PPP2R5A: variants seen among roughly 807,000 people sequenced by gnomAD.
PPP2R5A encodes serine/threonine-protein phosphatase 2A 56 kDa regulatory subunit alpha isoform.
Under a neutral mutation model 64.2 loss-of-function variants are expected in PPP2R5A, and 25 were observed. The ratio of observed to expected loss-of-function variants is 0.39; its 90% CI spans 0.28 to 0.54. The LOEUF is 0.54. Among genes scored for constraint, PPP2R5A ranks in the 20% least tolerant of loss-of-function variants. PPP2R5A has a pLI of 0.67. For missense variants in PPP2R5A, 425 were observed against 576.3 expected, an observed-to-expected ratio of 0.74 and a Z score of 2.69; for synonymous variants, 198 against 201.2, an observed-to-expected ratio of 0.98 and a Z score of 0.13.
chr1:212,331,865 G>GTAT (rs1302763962), intron 2 of PPP2R5A, among the ~76,000 whole-genome samples: 1 of 152,056 alleles, frequency 6.6e-6, no homozygotes, highest in Non-Finnish European at 1.5e-5. Flanking sequence ...CACATAGTAG[G>GTAT]TATATATTGT....
At chr1:212,309,159 A>G in intron 1 of PPP2R5A, 2 of 1,264,344 alleles carry the variant, frequency 1.6e-6, no homozygotes, top group Non-Finnish European at 2.3e-6. Context: ...CCTTGGCCAC[A>G]TTGGTGTCAT....
At chr1:212,341,930 G>A (rs557595460) in intron 3 of PPP2R5A, among the ~76,000 whole-genome samples, 2 of 152,118 alleles carry the variant, frequency 1.3e-5, no homozygotes, top group African/African-American at 2.4e-5. Context: ...TATAGACAGC[G>A]GTCTCACCAT....
intron 1 of PPP2R5A, among the ~76,000 whole-genome samples, chr1:212,288,360 A>T (rs915512326): frequency 6.6e-6 from 1 of 152,232 alleles, no homozygotes; most frequent in Non-Finnish European, 1.5e-5. Context: ...TAGAGTCAGT[A>T]ATCATCTAAG....
chr1:212,305,827 A>G (rs1658889398), intron 1 of PPP2R5A, among the ~76,000 whole-genome samples: 1 of 152,170 alleles, frequency 6.6e-6, no homozygotes, highest in African/African-American at 2.4e-5. Flanking sequence ...GATAAAGAGT[A>G]TCTTTATATA....
At chr1:212,299,726 G>A (rs1658765544) in intron 1 of PPP2R5A, 1 of 152,016 alleles carries the variant, frequency 6.6e-6, no homozygotes, top group Non-Finnish European at 1.5e-5. Context: ...ACCTAATTTT[G>A]AATCCAGAGT....
chr1:212,320,119 T>C (rs904063832), intron 1 of PPP2R5A, among the ~76,000 whole-genome samples: 4 of 151,694 alleles, frequency 2.6e-5, no homozygotes, highest in African/African-American at 9.7e-5. Flanking sequence ...TGTCCCTGGG[T>C]ACTTGAGATT....
intron 8 of PPP2R5A, among the ~76,000 whole-genome samples, chr1:212,355,453 C>G (rs1193231579): frequency 2.0e-5 from 3 of 152,140 alleles, no homozygotes; most frequent in African/African-American, 7.2e-5. Flanking sequence ...CTGGACCAGA[C>G]AGACTATAAA....
chr1:212,327,765 G>C (rs185972138), intron 1 of PPP2R5A, among the ~76,000 whole-genome samples: 3 of 152,168 alleles, frequency 2.0e-5, no homozygotes, highest in Admixed American at 2.0e-4. Context: ...ACTAGAAAGA[G>C]AAAGAGAAGT....
intron 8 of PPP2R5A, among the ~76,000 whole-genome samples, chr1:212,352,046 GACTC>G (rs1331388312): frequency 6.7e-6 from 1 of 150,332 alleles, no homozygotes; most frequent in African/African-American, 2.4e-5. Flanking sequence ...TTGAGACAGA[GACTC>G]ACTCTGTTGC....
At chr1:212,319,854 C>G (rs1232631278) in intron 1 of PPP2R5A, among the ~76,000 whole-genome samples, 1 of 151,522 alleles carries the variant, frequency 6.6e-6, no homozygotes, top group Non-Finnish European at 1.5e-5. Flanking sequence ...AATTCCTGAC[C>G]TCAGGTGATC....
chr1:212,308,673 T>A (rs888630767), intron 1 of PPP2R5A, among the ~76,000 whole-genome samples: 1 of 152,166 alleles, frequency 6.6e-6, no homozygotes, highest in East Asian at 1.9e-4. Flanking sequence ...CCTCCCAAAG[T>A]GCTGGGATTA....
At chr1:212,323,144 C>T (rs3099111) in intron 1 of PPP2R5A, among the ~76,000 whole-genome samples, 126,705 of 152,230 alleles carry the variant, frequency 0.83, 53,146 homozygotes, top group African/African-American at 0.94. Flanking sequence ...CTTGAATTAC[C>T]TTTGATTCCA....
intron 3 of PPP2R5A, among the ~76,000 whole-genome samples, chr1:212,340,984 T>A (rs1659675984): frequency 6.6e-6 from 1 of 152,248 alleles, no homozygotes; most frequent in Non-Finnish European, 1.5e-5. Flanking sequence ...CTGTTTTTGC[T>A]TTGGGATAGA....
chr1:212,320,088 TGCGGCCTTCCGC>T (rs1383323983), intron 1 of PPP2R5A, among the ~76,000 whole-genome samples: 6 of 151,670 alleles, frequency 4.0e-5, no homozygotes, highest in African/African-American at 1.5e-4. Context: ...CAGAGGACCC[TGCGGCCTTCCGC>T]AGTGTTTGTG....
At chr1:212,290,951 A>G (rs1658591317) in intron 1 of PPP2R5A, among the ~76,000 whole-genome samples, 1 of 152,248 alleles carries the variant, frequency 6.6e-6, no homozygotes, top group East Asian at 1.9e-4. Context: ...TGGATTTCAA[A>G]GACAGGTTTA....
intron 2 of PPP2R5A, among the ~76,000 whole-genome samples, chr1:212,330,547 C>CA (rs5780687): frequency 0.53 from 78,075 of 146,184 alleles, 22,294 homozygotes; most frequent in African/African-American, 0.77. Flanking sequence ...CACCTTGTCT[C>CA]AAAAAAAAAA....
rs1365102269 is a variant in PPP2R5A at position 212,322,988 on chromosome 1, G to A, written c.182-6147G>A. Among the ~76,000 whole-genome samples, 7 of 152,024 alleles carry A rather than the reference G, an allele frequency of 4.6e-5. No individual in the cohort carries two copies. The South Asian group carries it at 6.2e-4, about 13-fold the overall frequency. ...TTTTTAGTAGAGACGGTGTTTCACC[G>A]TGTTAGCCAGGATGGTCTCGATCTC... On this transcript the variant is annotated intron_variant, in intron 1 of 12. Transcript: ENST00000261461.
intron 3 of PPP2R5A, among the ~76,000 whole-genome samples, chr1:212,338,683 A>C (rs547960970): frequency 6.6e-6 from 1 of 152,148 alleles, no homozygotes; most frequent in Non-Finnish European, 1.5e-5. Context: ...GCTACTCAGG[A>C]GGCTGAGGCA....
rs1658808081 is a variant in PPP2R5A at position 212,302,102 on chromosome 1, T to G, written c.181+15811T>G. 3 of 1,508,698 alleles carry G rather than the reference T, an allele frequency of 2.0e-6. No homozygotes were observed. The African/African-American group carries it at 4.1e-5, about 21-fold the overall frequency. The allele number at this position is 1,508,698 out of a possible 1,614,324, so 93.5% of individuals were successfully genotyped here. Reference sequence around the variant, plus strand: ...GGCTTTATGATAATGAGTATGTATATTAAGATTTCAGTGTTCTACTTGGTA... The same window carrying G: ...GGCTTTATGATAATGAGTATGTATAGTAAGATTTCAGTGTTCTACTTGGTA... On this transcript the variant is annotated intron_variant, in intron 1 of 12. Transcript: ENST00000261461.
Sources: gnomAD v4.1 joint callset for allele counts (sites outside exome capture counted in the v4.1 genomes callset) on GRCh38, gnomAD v4.1.1 for gene constraint, MANE v1.5 for transcripts, NCBI Gene and HGNC (gene_info 2026-07-23, HGNC 2026-07-21) for gene names.